Variants in SGCD observed in about 807,000 individuals in gnomAD.
SGCD encodes the protein delta-sarcoglycan.
A neutral mutation model predicts 36.6 loss-of-function variants in SGCD; 18 were observed. That is an observed-to-expected ratio of 0.49 (90% CI 0.34 to 0.73). The LOEUF (loss-of-function observed/expected upper bound fraction) is 0.73, where lower values mean the gene tolerates loss of function less well. Ranked by LOEUF, SGCD falls within the 30% of genes least tolerant of loss-of-function variation. SGCD has a pLI of 0.01. For missense variants in SGCD, 387 were observed against 346.7 expected (o/e 1.12, Z -0.92); for synonymous variants, 133 against 130.6 (o/e 1.02, Z -0.12).
At chr5:156,546,417 G>T (rs1197964708) in intron 4 of SGCD, among the ~76,000 whole-genome samples, 1 of 152,184 alleles carries the variant, frequency 6.6e-6, no homozygotes, top group Non-Finnish European at 1.5e-5. Context: ...TGTGCACATT[G>T]TGTGTATTTT....
At chr5:156,046,536 T>C (rs1759769056) in intron 1 of SGCD, among the ~76,000 whole-genome samples, 1 of 152,196 alleles carries the variant, frequency 6.6e-6, no homozygotes, top group Non-Finnish European at 1.5e-5. Context: ...CTTACAAATT[T>C]TAAAATCTTT....
At chr5:156,687,282 G>T (rs980185230) in intron 7 of SGCD, among the ~76,000 whole-genome samples, 1 of 152,218 alleles carries the variant, frequency 6.6e-6, no homozygotes, top group Non-Finnish European at 1.5e-5. Flanking sequence ...CAGCACAAAT[G>T]TGGGGGGCTC....
At chr5:156,433,851 C>T (rs1334291804) in intron 3 of SGCD, among the ~76,000 whole-genome samples, 1 of 152,166 alleles carries the variant, frequency 6.6e-6, no homozygotes, top group African/African-American at 2.4e-5. Context: ...AAGTGTCTCC[C>T]CTTGTGGTTA....
At chr5:156,190,524 T>C (rs1037935574) in intron 3 of SGCD, among the ~76,000 whole-genome samples, 2 of 152,166 alleles carry the variant, frequency 1.3e-5, no homozygotes, top group African/African-American at 4.8e-5. Flanking sequence ...AAATGAAAAC[T>C]TCTCCAAATC....
chr5:155,817,700 A>G, the SGCD span, among the ~76,000 whole-genome samples: 12 of 152,204 alleles, frequency 7.9e-5, no homozygotes, highest in Non-Finnish European at 1.8e-4. Flanking sequence ...ACAAACCAGG[A>G]GAATTTTTTG....
At chr5:156,332,971 C>A (rs1326793075) in intron 2 of SGCD, among the ~76,000 whole-genome samples, 1 of 152,136 alleles carries the variant, frequency 6.6e-6, no homozygotes, top group Non-Finnish European at 1.5e-5. Context: ...GATGTACATA[C>A]ATATATACAT....
intron 1 of SGCD, among the ~76,000 whole-genome samples, chr5:155,986,979 C>T (rs1758345538): frequency 6.6e-6 from 1 of 152,144 alleles, no homozygotes; most frequent in African/African-American, 2.4e-5. Context: ...GGCTGGAAAT[C>T]ATATTTCTCA....
intron 3 of SGCD, among the ~76,000 whole-genome samples, chr5:156,481,574 T>C (rs1755431517): frequency 6.6e-6 from 1 of 152,196 alleles, no homozygotes; most frequent in Non-Finnish European, 1.5e-5. Context: ...AAACATCTGT[T>C]ATTATATGTC....
At chr5:156,008,331 A>C (rs958134259) in intron 1 of SGCD, among the ~76,000 whole-genome samples, 1 of 152,014 alleles carries the variant, frequency 6.6e-6, no homozygotes, top group African/African-American at 2.4e-5. Context: ...TCCGATCTGC[A>C]CACTCCCCAT....
chr5:156,759,959 T>C lies in SGCD; in HGVS notation c.*569T>C, dbSNP rs1757470199. The C allele has an allele frequency of 6.6e-6, 1 of 152,156 alleles. No homozygotes were observed. The highest frequency in any genetic ancestry group is 2.4e-5 in the African/African-American group (1 of 41,418). The allele number at this position is 152,156 out of a possible 1,614,324, so 9.4% of individuals were successfully genotyped here. A position where few individuals can be genotyped will look rare whatever the true frequency, so the allele number is the denominator to read the frequency against. ...CTAGGAACTGGCAATGCTGTAGAAG[T>C]CAGCCGTAGGAATTCAAAATGGCTG... On this transcript the variant is annotated 3_prime_UTR_variant, in exon 9 of 9. Coordinates refer to ENST00000337851, the MANE Select transcript of SGCD (RefSeq NM_000337.6).
At chr5:156,524,093 ACTATATATATAT>A (rs1757529368) in intron 4 of SGCD, among the ~76,000 whole-genome samples, 1 of 62,470 alleles carries the variant, frequency 1.6e-5, no homozygotes, top group African/African-American at 6.3e-5. Context: ...GTGAGGTCTT[ACTATATATATAT>A]ATATATATAT....
chr5:156,432,299 G>C (rs1178530385), intron 3 of SGCD, among the ~76,000 whole-genome samples: 2 of 152,226 alleles, frequency 1.3e-5, no homozygotes, highest in Non-Finnish European at 2.9e-5. Flanking sequence ...TGGTTAGCCA[G>C]CATGTTACAG....
At chr5:156,073,268 C>T (rs1760644374) in intron 1 of SGCD, among the ~76,000 whole-genome samples, 1 of 152,120 alleles carries the variant, frequency 6.6e-6, no homozygotes, top group Non-Finnish European at 1.5e-5. Context: ...TCTATTATAT[C>T]ATACTCTCTC....
At chr5:156,542,963 TA>T (rs1758408039) in intron 4 of SGCD, among the ~76,000 whole-genome samples, 1 of 152,278 alleles carries the variant, frequency 6.6e-6, no homozygotes, top group East Asian at 1.9e-4. Flanking sequence ...TGAATTCAGG[TA>T]AACAGAGGCA....
chr5:156,275,153 A>G (rs764214416), intron 3 of SGCD, among the ~76,000 whole-genome samples: 5 of 152,136 alleles, frequency 3.3e-5, no homozygotes, highest in Non-Finnish European at 7.4e-5. Context: ...TTCCTTGCCC[A>G]TAATCCCCTG....
At chr5:156,502,811 A>G (rs1167469688) in intron 3 of SGCD, among the ~76,000 whole-genome samples, 4 of 152,242 alleles carry the variant, frequency 2.6e-5, no homozygotes, top group Non-Finnish European at 5.9e-5. Flanking sequence ...ATCCAGCCTC[A>G]TTGTTCCAAA....
At chr5:156,298,579 T>C (rs1302579123) in intron 3 of SGCD, among the ~76,000 whole-genome samples, 1 of 143,104 alleles carries the variant, frequency 7.0e-6, no homozygotes, top group Non-Finnish European at 1.5e-5. Flanking sequence ...TTCTTTTCTT[T>C]TTTTTTTTTT....
At chr5:156,486,888 T>G (rs1282535496) in intron 3 of SGCD, among the ~76,000 whole-genome samples, 1 of 152,144 alleles carries the variant, frequency 6.6e-6, no homozygotes, top group Non-Finnish European at 1.5e-5. Context: ...AGTGCCTATG[T>G]GTGCCCCTCA....
upstream of SGCD, among the ~76,000 whole-genome samples, chr5:155,868,272 A>C (rs979000807): frequency 2.0e-5 from 3 of 151,642 alleles, no homozygotes; most frequent in African/African-American, 7.3e-5. Context: ...GGTTGGTCTC[A>C]AGCTCCTGGC....
Sources: allele counts gnomAD v4.1 joint callset (sites outside exome capture counted in the v4.1 genomes callset), GRCh38; gene constraint gnomAD v4.1.1; transcripts MANE v1.5; gene names NCBI Gene and HGNC (gene_info 2026-07-23, HGNC 2026-07-21).